Variants in ATP8B1 observed in about 807,000 individuals in gnomAD.
The protein encoded by ATP8B1 is phospholipid-transporting ATPase IC.
In ATP8B1, 80 loss-of-function variants were observed where a neutral mutation model predicts 149.9. That is an observed-to-expected ratio of 0.53 (90% CI 0.45 to 0.64). The LOEUF (loss-of-function observed/expected upper bound fraction) is 0.64. Among genes scored for constraint, ATP8B1 ranks in the 30% least tolerant of loss-of-function variants. The probability of loss-of-function intolerance (pLI) is 0.00; values close to 1 mark genes in which losing one functional copy is unlikely to be tolerated. For synonymous variants in ATP8B1, 536 were observed against 562.8 expected (o/e 0.95, Z 0.67); for missense variants, 1,247 against 1,552.6 (o/e 0.80, Z 3.31).
chr18:57,680,926 G>A (rs1911933253), intron 15 of ATP8B1, among the ~76,000 whole-genome samples: 1 of 152,156 alleles, frequency 6.6e-6, no homozygotes, highest in South Asian at 2.1e-4. Flanking sequence ...CATGACCTCT[G>A]TGCAGGCGGG....
intron 1 of ATP8B1, among the ~76,000 whole-genome samples, chr18:57,792,999 G>C (rs1188516674): frequency 5.3e-5 from 8 of 152,090 alleles, no homozygotes; most frequent in Non-Finnish European, 1.0e-4. Context: ...TTCTAACAAT[G>C]TTCTTTCCCC....
intron 15 of ATP8B1, among the ~76,000 whole-genome samples, chr18:57,677,591 T>C (rs1163068122): frequency 1.3e-5 from 2 of 152,214 alleles, no homozygotes; most frequent in Non-Finnish European, 2.9e-5. Flanking sequence ...GAGGATTCAC[T>C]TTTTAAGTCA....
chr18:57,768,782 G>A (rs940897550), intron 1 of ATP8B1, among the ~76,000 whole-genome samples: 2 of 152,174 alleles, frequency 1.3e-5, no homozygotes, highest in Non-Finnish European at 2.9e-5. Flanking sequence ...ATGCAAGGAG[G>A]AAATGAGTTA....
At position 57,667,116 on chromosome 18, in the gene ATP8B1, G is replaced by A. The variant is rs201392345; in HGVS notation, c.2261C>T (p.Thr754Ile). The A allele has an allele frequency of 9.9e-5, 159 of 1,613,070 alleles. No individual in the cohort carries two copies. Among genetic ancestry groups the A allele is most frequent in the Non-Finnish European group, 1.3e-4 (151 of 1,179,110 alleles). ...CTTAATATCCTCCCCATAGCAGATG[G>A]TGGTGTCTTCAGTCAGAAGTTCACA... ...FACELLTEDT[T>I]ICYGEDINSL... The change falls in exon 20 of 28, where the codon ACC becomes ATC. Residue 754 changes from threonine (T) to isoleucine (I), a missense_variant. Coordinates refer to ENST00000648908, the MANE Select transcript of ATP8B1 (RefSeq NM_001374385.1).
chr18:57,668,431 T>C lies in ATP8B1; in HGVS notation c.2207A>G (p.Lys736Arg). Reference sequence around the variant, plus strand: ...TGCTTCCCTGCACAATGAATTACCCTTTTTGTCTCCAGTAAGCACCCAGAT... The same window carrying C: ...TGCTTCCCTGCACAATGAATTACCCCTTTTGTCTCCAGTAAGCACCCAGAT... Reference protein sequence around the residue: ...IKIWVLTGDKKETAENIGFAC... With the variant: ...IKIWVLTGDKRETAENIGFAC... The change falls in exon 19 of 28, where the codon AAG (lysine) becomes AGG (arginine). Residue 736 changes from lysine to arginine, a missense_variant and splice_region_variant. By Grantham distance (26) the Lys-to-Arg change is conservative. Transcript: ENST00000648908. The C allele has an allele frequency of 6.2e-7, 1 of 1,600,612 alleles. No homozygotes were observed. Among genetic ancestry groups the C allele is most frequent in the East Asian group, 2.2e-5 (1 of 44,806 alleles).
intron 1 of ATP8B1, among the ~76,000 whole-genome samples, chr18:57,799,258 T>A (rs67949743): frequency 0.12 from 18,402 of 152,266 alleles, 1,268 homozygotes; most frequent in African/African-American, 0.16. Flanking sequence ...TCTGTTTCAC[T>A]GCTGCCTCTG....
At chr18:57,738,883 G>A (rs1193371098) in intron 1 of ATP8B1, among the ~76,000 whole-genome samples, 1 of 152,120 alleles carries the variant, frequency 6.6e-6, no homozygotes, top group Non-Finnish European at 1.5e-5. Context: ...GAAGTCATAT[G>A]TTGAAGCCAT....
At chr18:57,669,512 A>G in intron 17 of ATP8B1, 30 bp from the exon 18 acceptor site, 1 of 1,581,610 alleles carries the variant, frequency 6.3e-7, no homozygotes, top group Non-Finnish European at 8.7e-7. Flanking sequence ...AAATCCACCA[A>G]TGCAAAGAAT....
intron 1 of ATP8B1, among the ~76,000 whole-genome samples, chr18:57,787,604 A>C (rs1229412548): frequency 6.6e-6 from 1 of 152,082 alleles, no homozygotes; most frequent in African/African-American, 2.4e-5. Context: ...TCCTCTTGTA[A>C]TTTTGGCTTC....
chr18:57,668,663 TG>T, intron 18 of ATP8B1, 123 bp from the exon 19 acceptor site: 2 of 644,700 alleles, frequency 3.1e-6, no homozygotes, highest in Non-Finnish European at 5.3e-6. Context: ...GCTGCTCTCC[TG>T]GGGCCAATGG....
chr18:57,785,452 G>A (rs997706896), intron 1 of ATP8B1, among the ~76,000 whole-genome samples: 2 of 152,208 alleles, frequency 1.3e-5, no homozygotes, highest in Non-Finnish European at 2.9e-5. Context: ...AGTATCAAAA[G>A]TTAGTGCAAA....
chr18:57,801,995 A>C (rs1267845384), intron 1 of ATP8B1: 1 of 145,398 alleles, frequency 6.9e-6, no homozygotes. Flanking sequence ...CCCAATTTGC[A>C]TCCTTACTGC....
chr18:57,682,249 C>T (rs2122805971), intron 15 of ATP8B1, among the ~76,000 whole-genome samples: 1 of 152,234 alleles, frequency 6.6e-6, no homozygotes, highest in Non-Finnish European at 1.5e-5. Context: ...CATGATCTGC[C>T]CGCCTCGGCC....
At chr18:57,682,865 G>A (rs7244571) in intron 15 of ATP8B1, among the ~76,000 whole-genome samples, 3,135 of 151,966 alleles carry the variant, frequency 0.021, 108 homozygotes, top group African/African-American at 0.072. Flanking sequence ...TTGAGATAGG[G>A]TCTCACTCCA....
intron 1 of ATP8B1, among the ~76,000 whole-genome samples, chr18:57,774,252 TCC>T (rs1448474634): frequency 3.9e-5 from 6 of 152,292 alleles, no homozygotes; most frequent in Admixed American, 3.3e-4. Flanking sequence ...GCCTTGCCAG[TCC>T]CCCTTCTTTA....
At chr18:57,661,133 C>G (rs1406506336) in intron 22 of ATP8B1, 41 bp downstream of exon 22, 1 of 1,608,706 alleles carries the variant, frequency 6.2e-7, no homozygotes. Context: ...TTTCTCCTCT[C>G]TAGCACGTTG....
intron 1 of ATP8B1, among the ~76,000 whole-genome samples, chr18:57,779,248 G>T (rs537738217): frequency 6.6e-6 from 1 of 152,014 alleles, no homozygotes; most frequent in Admixed American, 6.6e-5. Flanking sequence ...CTGGGAGGTC[G>T]AGGCTACAGT....
chr18:57,785,420 G>A (rs1174594066), intron 1 of ATP8B1, among the ~76,000 whole-genome samples: 1 of 152,206 alleles, frequency 6.6e-6, no homozygotes, highest in African/African-American at 2.4e-5. Flanking sequence ...TATTTTTGTT[G>A]CATTTCCAAA....
intron 16 of ATP8B1, among the ~76,000 whole-genome samples, chr18:57,672,956 T>TACATATATCTACATATATACAC (rs1911346395): frequency 8.5e-5 from 3 of 35,430 alleles, no homozygotes; most frequent in Non-Finnish European, 2.0e-4. Context: ...CATATATACA[T>TACATATATCTACATATATACAC]ACATATATCT....
Sources: gnomAD v4.1 joint callset for allele counts (sites outside exome capture counted in the v4.1 genomes callset) on GRCh38, gnomAD v4.1.1 for gene constraint, MANE v1.5 for transcripts, NCBI Gene and HGNC (gene_info 2026-07-23, HGNC 2026-07-21) for gene names.